Variants in CCNB1 observed in about 807,000 individuals in gnomAD.
CCNB1 encodes cyclin B1, also known as G2/mitotic-specific cyclin-B1.
Under a neutral mutation model 44.4 loss-of-function variants are expected in CCNB1, and 26 were observed. The observed-to-expected ratio is 0.59, with a 90% confidence interval of 0.43 to 0.81. The LOEUF (loss-of-function observed/expected upper bound fraction) is 0.81, where lower values mean the gene tolerates loss of function less well. CCNB1 is among the 40% of genes least tolerant of loss of function. CCNB1 has a pLI of 0.00. For missense variants in CCNB1, 477 were observed against 520.9 expected (o/e 0.92, Z 0.82); for synonymous variants, 195 against 181.4 (o/e 1.08, Z -0.60).
Position 69,177,686 on chromosome 5 carries a change from C to CA in CCNB1, c.*56dup. 8 of 1,024,934 alleles carry CA rather than the reference C, an allele frequency of 7.8e-6. No homozygotes were observed. The highest frequency in any genetic ancestry group is 1.1e-5 in the Non-Finnish European group (7 of 654,974). The allele number at this position is 1,024,934 out of a possible 1,614,324, so 63.5% of individuals were successfully genotyped here. A position where few individuals can be genotyped will look rare whatever the true frequency, so the allele number is the denominator to read the frequency against. On this transcript the variant is annotated 3_prime_UTR_variant, in exon 9 of 9. Transcript: ENST00000256442. Reference sequence around the variant, plus strand: ...TACAAATAAAATTGGCACCATGTGCCATCTGTACATATTACTGTTGCATTT... The same window carrying CA: ...TACAAATAAAATTGGCACCATGTGCCAATCTGTACATATTACTGTTGCATTT...
chr5:69,173,104 T>G lies in CCNB1; in HGVS notation c.547-1147T>G, dbSNP rs76121138. ...TGTGCTGTTTCTTGATGCTTCGTTC[T>G]TGTTCTGTGCAAGGCCATTTATGCA... On this transcript the variant is annotated intron_variant, in intron 4 of 8. Transcript: ENST00000256442. Among the ~76,000 whole-genome samples the G allele has an allele frequency of 5.2e-3, 798 of 152,278 alleles. 4 individuals carry two copies. The highest frequency in any genetic ancestry group is 0.018 in the African/African-American group (755 of 41,562).
intron 4 of CCNB1, 73 bp from the exon 5 acceptor site, chr5:69,174,177 TA>T: frequency 2.2e-6 from 3 of 1,346,920 alleles, no homozygotes; most frequent in Non-Finnish European, 3.1e-6. Flanking sequence ...CTGTAGGAAC[TA>T]ACTGATCTTT....
At chr5:69,174,698 G>GA (rs1446807832) in intron 5 of CCNB1, among the ~76,000 whole-genome samples, 179 bp from the exon 6 acceptor site, 4 of 151,910 alleles carry the variant, frequency 2.6e-5, no homozygotes, top group Non-Finnish European at 5.9e-5. Flanking sequence ...CTGGGTGACA[G>GA]AGCGAGACTC....
At chr5:69,176,948 G>A in intron 7 of CCNB1, 1 of 227,154 alleles carries the variant, frequency 4.4e-6, no homozygotes. Flanking sequence ...ATGCACTCCA[G>A]CCTGGAGCGA....
Position 69,177,557 on chromosome 5 carries a change from G to A in CCNB1, c.1228G>A (p.Ala410Thr), listed in dbSNP as rs776020491. 6.2e-7 allele frequency: 1 copy of A among 1,613,428 alleles called. No individual in the cohort carries two copies. Among genetic ancestry groups the A allele is most frequent in the South Asian group, 1.1e-5 (1 of 91,016 alleles). ...GAACAAGTATGCCACATCGAAGCAT[G>A]CTAAGATCAGCACTCTACCACAGCT... ...VKNKYATSKH[A>T]KISTLPQLNS... The change falls in exon 9 of 9, where the codon GCT becomes ACT. Residue 410 changes from alanine (A) to threonine (T), a missense_variant. Ala to Thr is a moderately conservative substitution (Grantham distance 58, BLOSUM62 0). Transcript: ENST00000256442.
chr5:69,171,587 T>G (rs1446060593), intron 4 of CCNB1, 135 bp downstream of exon 4: 6 of 614,112 alleles, frequency 9.8e-6, no homozygotes, highest in African/African-American at 1.9e-5. Flanking sequence ...TTCTCCTTCA[T>G]GGAATACCTA....
chr5:69,169,897 G>A (rs1273611729), intron 3 of CCNB1, among the ~76,000 whole-genome samples: 2 of 151,852 alleles, frequency 1.3e-5, no homozygotes, highest in Non-Finnish European at 2.9e-5. Flanking sequence ...TGATCCACCC[G>A]CCTCAGCCTC....
intron 3 of CCNB1, among the ~76,000 whole-genome samples, chr5:69,169,473 G>C (rs183208360): frequency 2.0e-5 from 3 of 152,168 alleles, no homozygotes; most frequent in Non-Finnish European, 4.4e-5. Flanking sequence ...ATCAAACTAC[G>C]TGAGGCTTTC....
Position 69,168,356 on chromosome 5 carries a change from T to C in CCNB1, c.363+13T>C. 1.2e-6 allele frequency: 2 copies of C among 1,614,026 alleles called. No individual in the cohort carries two copies. The highest frequency in any genetic ancestry group is 1.7e-6 in the Non-Finnish European group (2 of 1,179,910). On this transcript the variant is annotated intron_variant, in intron 3 of 8. Transcript: ENST00000256442. ...TGAGCCTATTTTGGTAAACTTATTC[T>C]TACCATTGTAGAGTCTGTTGATTAT...
At chr5:69,174,189 C>T (rs754115446) in intron 4 of CCNB1, 62 bp from the exon 5 acceptor site, 1 of 1,474,140 alleles carries the variant, frequency 6.8e-7, no homozygotes, top group Non-Finnish European at 9.4e-7. Context: ...ACTGATCTTT[C>T]TGGACATAAA....
intron 3 of CCNB1, among the ~76,000 whole-genome samples, chr5:69,169,215 C>T (rs997043044): frequency 2.6e-5 from 4 of 152,026 alleles, no homozygotes; most frequent in African/African-American, 9.7e-5. Context: ...GGATTACAGA[C>T]GCACGCCACC....
rs149803334 is a variant in CCNB1 at position 69,177,863 on chromosome 5, A to G, written c.*232A>G. 1.5e-4 allele frequency: 65 copies of G among 444,258 alleles called. No individual in the cohort carries two copies. The highest frequency in any genetic ancestry group is 1.0e-3 in the East Asian group (27 of 26,062). 27.5% of individuals were successfully genotyped at this position (444,258 alleles called of 1,614,324 possible). A position where few individuals can be genotyped will look rare whatever the true frequency, so the allele number is the denominator to read the frequency against. Reference sequence around the variant, plus strand: ...TCCTTTTGGTTTACCTGGGGATCCAATTGATGTATATGTTTATATACTGGG... The same window carrying G: ...TCCTTTTGGTTTACCTGGGGATCCAGTTGATGTATATGTTTATATACTGGG... On this transcript the variant is annotated 3_prime_UTR_variant, in exon 9 of 9. Coordinates refer to ENST00000256442, the MANE Select transcript of CCNB1 (RefSeq NM_031966.4).
intron 1 of CCNB1, 61 bp downstream of exon 1, chr5:69,167,344 C>T (rs373526661): frequency 9.5e-6 from 15 of 1,584,430 alleles, no homozygotes; most frequent in East Asian, 4.5e-5. Flanking sequence ...CTCTCCCTGC[C>T]TCGCCTGCGG....
In CCNB1 at chr5:69,167,970, T is replaced by C; in HGVS notation, c.84T>C (p.Pro28=). The change falls in exon 2 of 9, where the codon CCT becomes CCC. Residue 28 remains proline, a synonymous_variant. Coordinates refer to ENST00000256442, the MANE Select transcript of CCNB1 (RefSeq NM_031966.4). ...ACATGGCAGGCGCAAAGCGCGTTCC[T>C]ACGGCCCCTGCTGCAACCTCCAAGC... ...KINMAGAKRV[P]TAPAATSKPG... 1 of 1,614,132 alleles carries C rather than the reference T, an allele frequency of 6.2e-7. No homozygotes were observed. Among genetic ancestry groups the C allele is most frequent in the South Asian group, 1.1e-5 (1 of 91,080 alleles).
In CCNB1 at chr5:69,174,260, G is replaced by A. The variant is rs1580212241; in HGVS notation, c.556G>A (p.Ala186Thr). 1 of 1,613,734 alleles carries A rather than the reference G, an allele frequency of 6.2e-7. No homozygotes were observed. The highest frequency in any genetic ancestry group is 8.5e-7 in the Non-Finnish European group (1 of 1,179,888). ...AYLRQLEEEQ[A>T]VRPKYLLGRE... ...GCATTTTCTTTTGCAGGAAGAGCAA[G>A]CAGTCAGACCAAAATACCTACTGGG... Residue 186 changes from alanine (A) to threonine (T), a missense_variant, in exon 5 of 9, where the codon GCA (alanine) becomes ACA (threonine). By Grantham distance (58) the Ala-to-Thr change is moderately conservative. Coordinates refer to ENST00000256442, the MANE Select transcript of CCNB1 (RefSeq NM_031966.4).
chr5:69,177,807 T>C lies in CCNB1; in HGVS notation c.*176T>C, dbSNP rs1747631421. The C allele has an allele frequency of 1.9e-6, 1 of 535,106 alleles. No homozygotes were observed. The highest frequency in any genetic ancestry group is 1.9e-5 in the African/African-American group (1 of 52,360). 33.1% of individuals were successfully genotyped at this position (535,106 alleles called of 1,614,324 possible). A position where few individuals can be genotyped will look rare whatever the true frequency, so the allele number is the denominator to read the frequency against. On this transcript the variant is annotated 3_prime_UTR_variant, in exon 9 of 9. Transcript: ENST00000256442. ...CTGTAGGGTAGCGGAAAAGTTGTCT[T>C]AAAAGGTATGGTGGGGATATTTTTA...
intron 3 of CCNB1, among the ~76,000 whole-genome samples, 189 bp downstream of exon 3, chr5:69,168,532 T>C (rs1037515999): frequency 1.8e-4 from 9 of 49,634 alleles, no homozygotes; most frequent in African/African-American, 5.8e-4. Flanking sequence ...CTCTGAGGTA[T>C]TGTCACCTCT....
rs190181033 is a variant in CCNB1 at position 69,170,118 on chromosome 5, C to G, written c.364-1152C>G. Among the ~76,000 whole-genome samples the G allele has an allele frequency of 6.8e-4, 103 of 151,904 alleles. 1 individual carries two copies. In the East Asian group the frequency reaches 0.016, roughly 23 times the overall value. On this transcript the variant is annotated intron_variant, in intron 3 of 8. Transcript: ENST00000256442. ...AGCTGGGATTACAGGTGCCAGCCAC[C>G]ACACCCAGCTAATTTTTTTATTATT...
rs773238269 is a variant in CCNB1, at chr5:69,177,549, C to G, written c.1220C>G (p.Ser407Trp). ...HMTVKNKYATSKHAKISTLPQ... is the reference protein window; with the variant it reads ...HMTVKNKYATWKHAKISTLPQ... ...ACTGTCAAGAACAAGTATGCCACATCGAAGCATGCTAAGATCAGCACTCTA... is the reference window on the plus strand; with the variant it reads ...ACTGTCAAGAACAAGTATGCCACATGGAAGCATGCTAAGATCAGCACTCTA... Residue 407 changes from serine (S) to tryptophan (W), a missense_variant, in exon 9 of 9, where the codon TCG becomes TGG. Coordinates refer to ENST00000256442, the MANE Select transcript of CCNB1 (RefSeq NM_031966.4). 6.2e-7 allele frequency: 1 copy of G among 1,612,390 alleles called. No homozygotes were observed. Among genetic ancestry groups the G allele is most frequent in the Non-Finnish European group, 8.5e-7 (1 of 1,178,690 alleles).
Sources: allele counts gnomAD v4.1 joint callset (sites outside exome capture counted in the v4.1 genomes callset), GRCh38; gene constraint gnomAD v4.1.1; transcripts MANE v1.5; gene names NCBI Gene and HGNC (gene_info 2026-07-23, HGNC 2026-07-21).